Variants in GRHL2 observed in about 807,000 individuals in gnomAD.
GRHL2 encodes the protein grainyhead-like protein 2 homolog.
Under a neutral mutation model 83.8 loss-of-function variants are expected in GRHL2, and 21 were observed. The ratio of observed to expected loss-of-function variants is 0.25; its 90% confidence interval spans 0.18 to 0.36. The LOEUF (loss-of-function observed/expected upper bound fraction) is 0.36. Ranked by LOEUF, GRHL2 falls within the 10% of genes least tolerant of loss-of-function variation. The pLI is 1.00. For synonymous variants in GRHL2, 280 were observed against 278.9 expected, an observed-to-expected ratio of 1.00 and a Z score of -0.04; for missense variants, 623 against 781.8, an observed-to-expected ratio of 0.80 and a Z score of 2.42.
At chr8:101,603,631 C>T (rs543230496) in intron 8 of GRHL2, among the ~76,000 whole-genome samples, 70 of 152,264 alleles carry the variant, frequency 4.6e-4, no homozygotes, top group African/African-American at 9.1e-4. Context: ...CCATTGCAGG[C>T]GGATTCTGGC....
intron 6 of GRHL2, among the ~76,000 whole-genome samples, chr8:101,574,379 C>T (rs1385780809): frequency 6.6e-6 from 1 of 152,202 alleles, no homozygotes; most frequent in South Asian, 2.1e-4. Context: ...AACTGGCTCT[C>T]CCTTCTCTGG....
chr8:101,672,548 A>G (rs577833780), downstream of GRHL2, among the ~76,000 whole-genome samples: 2 of 151,762 alleles, frequency 1.3e-5, no homozygotes, highest in East Asian at 3.8e-4. Context: ...GAAATATGGG[A>G]CTATGTGAAA....
At chr8:101,658,193 C>T (rs556459392) in intron 14 of GRHL2, among the ~76,000 whole-genome samples, 1 of 152,338 alleles carries the variant, frequency 6.6e-6, no homozygotes, top group South Asian at 2.1e-4. Flanking sequence ...CTTTGCCCTC[C>T]TGGAGGCAGA....
chr8:101,644,404 A>G (rs1383773150), intron 13 of GRHL2, among the ~76,000 whole-genome samples, 179 bp downstream of exon 13: 1 of 152,226 alleles, frequency 6.6e-6, no homozygotes, highest in Non-Finnish European at 1.5e-5. Context: ...CAACACCTTA[A>G]GAAAACATTT....
chr8:101,581,596 A>T (rs1485748398), intron 7 of GRHL2, among the ~76,000 whole-genome samples: 1 of 152,216 alleles, frequency 6.6e-6, no homozygotes, highest in East Asian at 1.9e-4. Flanking sequence ...GGAGTTAGTG[A>T]TGGCCCCATA....
intron 14 of GRHL2, among the ~76,000 whole-genome samples, chr8:101,654,828 C>G (rs1651664375): frequency 1.3e-5 from 2 of 152,228 alleles, no homozygotes; most frequent in Admixed American, 1.3e-4. Context: ...TTGGGCTGTT[C>G]TTATACTCAG....
chr8:101,678,077 GAGA>G, the GRHL2 span, among the ~76,000 whole-genome samples: 1 of 152,194 alleles, frequency 6.6e-6, no homozygotes, highest in Admixed American at 6.5e-5. Flanking sequence ...AGCGAGGGAA[GAGA>G]AGGAGGTCCG....
intron 1 of GRHL2, among the ~76,000 whole-genome samples, chr8:101,505,311 C>G (rs1179556815): frequency 6.6e-6 from 1 of 152,140 alleles, no homozygotes; most frequent in East Asian, 1.9e-4. Context: ...GGCGTGGTGG[C>G]TCATGCCTAT....
rs553249046 is a variant in GRHL2 at position 101,645,116 on chromosome 8, A to ATTTTTTT, written c.1612+922_1612+928dup. ...TGCCTCAGTCTGCCAGCAGTACAGA[A>ATTTTTTT]TTTTTTTTTTTTTTTTTTTTTTTTT... is the stretch of plus-strand genomic sequence containing the variant. On this transcript the variant is annotated intron_variant, in intron 13 of 15. Transcript: ENST00000646743. 1.9e-4 allele frequency among the ~76,000 whole-genome samples: 22 copies of ATTTTTTT among 117,352 alleles called. 1 individual carries two copies. The highest frequency in any genetic ancestry group is 5.9e-4 in the African/African-American group (18 of 30,376). The allele number at this position is 117,352 out of a possible 152,430, so 77.0% of individuals were successfully genotyped here.
At chr8:101,627,749 G>T (rs1813107763) in intron 9 of GRHL2, among the ~76,000 whole-genome samples, 1 of 152,120 alleles carries the variant, frequency 6.6e-6, no homozygotes, top group African/African-American at 2.4e-5. Flanking sequence ...GAAATTAAAA[G>T]TGCTACTCCA....
chr8:101,608,777 A>C lies in GRHL2; in HGVS notation c.1098+9626A>C, dbSNP rs201831692. 1.4e-3 allele frequency among the ~76,000 whole-genome samples: 177 copies of C among 130,140 alleles called. 3 individuals are homozygous for C. The highest frequency in any genetic ancestry group is 4.2e-3 in the African/African-American group (128 of 30,294). The allele number at this position is 130,140 out of a possible 152,430, so 85.4% of individuals were successfully genotyped here. On this transcript the variant is annotated intron_variant, in intron 8 of 15. Transcript: ENST00000646743. Reference sequence around the variant, plus strand: ...CACACACACACACACACACACACACACCTACACCTCATTTCTAAGTACTTC... The same window carrying C: ...CACACACACACACACACACACACACCCCTACACCTCATTTCTAAGTACTTC...
intron 1 of GRHL2, among the ~76,000 whole-genome samples, chr8:101,509,136 TCC>T (rs1810402488): frequency 6.0e-5 from 4 of 66,430 alleles, no homozygotes; most frequent in East Asian, 2.7e-4. Flanking sequence ...CTTCCTTCCT[TCC>T]TTCCTTCCTT....
chr8:101,554,032 A>G lies in GRHL2; in HGVS notation c.284+1250A>G, dbSNP rs75684833. On this transcript the variant is annotated intron_variant, in intron 3 of 15. Coordinates refer to ENST00000646743, the MANE Select transcript of GRHL2 (RefSeq NM_024915.4). ...TCTATTGGAGGTTCTTCCATATGGA[A>G]GTAAAATCCCCTACTAGCACATGTG... Among the ~76,000 whole-genome samples the G allele has an allele frequency of 2.4e-3, 362 of 152,316 alleles. 6 individuals are homozygous for G. The East Asian group carries it at 0.059, about 25-fold the overall frequency.
At chr8:101,494,345 A>G (rs1810049847) in intron 1 of GRHL2, among the ~76,000 whole-genome samples, 1 of 152,190 alleles carries the variant, frequency 6.6e-6, no homozygotes, top group African/African-American at 2.4e-5. Context: ...TAAAAAGCAA[A>G]AAACTGCCAG....
At chr8:101,514,074 A>G (rs1810520174) in intron 1 of GRHL2, among the ~76,000 whole-genome samples, 1 of 151,900 alleles carries the variant, frequency 6.6e-6, no homozygotes, top group Non-Finnish European at 1.5e-5. Flanking sequence ...CTGTCTTCTC[A>G]CCCTTTCTTC....
chr8:101,637,625 C>G (rs1041135478), intron 12 of GRHL2, among the ~76,000 whole-genome samples: 1 of 152,210 alleles, frequency 6.6e-6, no homozygotes, highest in Non-Finnish European at 1.5e-5. Context: ...CTGACCTCCT[C>G]TCGTAGATCA....
intron 4 of GRHL2, among the ~76,000 whole-genome samples, chr8:101,560,118 G>A (rs546229124): frequency 7.2e-5 from 11 of 152,084 alleles, no homozygotes; most frequent in African/African-American, 1.9e-4. Flanking sequence ...CGATTCTCCT[G>A]CCTCAGCCTC....
rs201411257 is a variant in GRHL2, at chr8:101,562,372, GT to G, written c.678+3565del. The G allele has an allele frequency of 1.8e-3, 1,189 of 659,784 alleles. 12 individuals are homozygous for G. In the African/African-American group the frequency reaches 0.02, roughly 11 times the overall value. The allele number at this position is 659,784 out of a possible 1,614,324, so 40.9% of individuals were successfully genotyped here. A position where few individuals can be genotyped will look rare whatever the true frequency, so the allele number is the denominator to read the frequency against. On this transcript the variant is annotated intron_variant, in intron 4 of 15. Transcript: ENST00000646743. ...TTGGAGGATTGTGCTTCTTTTTAAAGTTTTTATGACATTTAGATTTGCAAAA... is the reference window on the plus strand; with the variant it reads ...TTGGAGGATTGTGCTTCTTTTTAAAGTTTTATGACATTTAGATTTGCAAAA...
intron 7 of GRHL2, among the ~76,000 whole-genome samples, chr8:101,592,320 G>T (rs563598617): frequency 6.6e-6 from 1 of 151,978 alleles, no homozygotes; most frequent in African/African-American, 2.4e-5. Context: ...GGTCAGGCTG[G>T]TCTCAAAGTC....
Sources: allele counts gnomAD v4.1 joint callset (sites outside exome capture counted in the v4.1 genomes callset), GRCh38; gene constraint gnomAD v4.1.1; transcripts MANE v1.5; gene names NCBI Gene and HGNC (gene_info 2026-07-23, HGNC 2026-07-21).